Variants in SLIT1 observed in about 807,000 individuals in gnomAD.
The protein encoded by SLIT1 is slit guidance ligand 1, also known as slit homolog 1 protein.
A neutral mutation model predicts 186.1 loss-of-function variants in SLIT1; 66 were observed. The ratio of observed to expected loss-of-function variants is 0.35; its 90% CI spans 0.29 to 0.44. The LOEUF (loss-of-function observed/expected upper bound fraction) is 0.44, where lower values mean the gene tolerates loss of function less well. Ranked by LOEUF, SLIT1 falls within the 20% of genes least tolerant of loss-of-function variation. SLIT1 has a pLI of 1.00. For synonymous variants in SLIT1, 761 were observed against 833.8 expected, an observed-to-expected ratio of 0.91 and a Z score of 1.50; for missense variants, 1,638 against 2,037.4, an observed-to-expected ratio of 0.80 and a Z score of 3.77.
Position 97,004,430 on chromosome 10 carries a change from G to T in SLIT1, c.3711-208C>A, listed in dbSNP as rs540237818. Reference sequence around the variant, plus strand: ...GGGAAGGCTGAGAGGTTTGAGGCAGGGGTCTCAAACTTACAAGTCTCCCCC... The same window carrying T: ...GGGAAGGCTGAGAGGTTTGAGGCAGTGGTCTCAAACTTACAAGTCTCCCCC... On this transcript the variant is annotated intron_variant, in intron 33 of 36. Transcript: ENST00000266058. The surrounding 1 kb of genome is among the most constrained non-coding windows in gnomAD (Gnocchi z 5.1). 6.6e-6 allele frequency among the ~76,000 whole-genome samples: 1 copy of T among 152,158 alleles called. No homozygotes were observed. Among genetic ancestry groups the T allele is most frequent in the Non-Finnish European group, 1.5e-5 (1 of 68,030 alleles).
intron 4 of SLIT1, among the ~76,000 whole-genome samples, chr10:97,156,144 C>A (rs1849948011): frequency 6.6e-6 from 1 of 152,186 alleles, no homozygotes; most frequent in Admixed American, 6.5e-5. Flanking sequence ...CAACTCAAGC[C>A]CAAGGGTGGT....
intron 4 of SLIT1, among the ~76,000 whole-genome samples, chr10:97,100,257 C>T (rs1849337165): frequency 6.6e-6 from 1 of 152,142 alleles, no homozygotes; most frequent in South Asian, 2.1e-4. Context: ...GACCATCAGC[C>T]CCGCAGGGAA....
chr10:97,182,288 T>C (rs1031567728), intron 1 of SLIT1, among the ~76,000 whole-genome samples: 21 of 152,136 alleles, frequency 1.4e-4, no homozygotes, highest in African/African-American at 4.1e-4. Context: ...TATATGATCA[T>C]AAAGTTGCTG....
At chr10:97,048,042 C>A in intron 14 of SLIT1, 46 bp from the exon 15 acceptor site, 12 of 1,609,314 alleles carry the variant, frequency 7.5e-6, no homozygotes, top group Non-Finnish European at 1.0e-5. Flanking sequence ...TCAGCCAGGA[C>A]CTGCAGTAAC....
chr10:97,011,189 G>C lies in SLIT1; in HGVS notation c.3204-59C>G, dbSNP rs1265188308. ...CAGCCACACAGAGTCTGGGAGGCCA[G>C]GGGAGCGCACCAGGGATCCCCCACA... On this transcript the variant is annotated intron_variant, in intron 30 of 36. Coordinates refer to ENST00000266058, the MANE Select transcript of SLIT1 (RefSeq NM_003061.3). The C allele has an allele frequency of 3.9e-6, 5 of 1,267,704 alleles. 1 individual carries two copies. Among genetic ancestry groups the C allele is most frequent in the East Asian group, 2.3e-5 (1 of 43,366 alleles). 78.5% of individuals were successfully genotyped at this position (1,267,704 alleles called of 1,614,324 possible). A position where few individuals can be genotyped will look rare whatever the true frequency, so the allele number is the denominator to read the frequency against.
intron 2 of SLIT1, 130 bp from the exon 3 acceptor site, chr10:97,163,581 T>C (rs1377456250): frequency 1.3e-6 from 1 of 766,082 alleles, no homozygotes. Context: ...ACAGGAGCCA[T>C]GCCCAAGCCT....
intron 28 of SLIT1, among the ~76,000 whole-genome samples, chr10:97,017,849 T>C (rs974102554): frequency 1.4e-4 from 16 of 115,892 alleles, no homozygotes; most frequent in Non-Finnish European, 2.9e-4. Context: ...TTTTCTTTTC[T>C]TTTTTTTTTT....
intron 4 of SLIT1, among the ~76,000 whole-genome samples, chr10:97,128,225 C>A (rs532545499): frequency 2.2e-4 from 34 of 152,276 alleles, no homozygotes; most frequent in Middle Eastern, 6.8e-3. Context: ...AGGGCCCTGT[C>A]CCTCCCCTTC....
chr10:97,112,344 C>T (rs1849472935), intron 4 of SLIT1, among the ~76,000 whole-genome samples: 1 of 152,252 alleles, frequency 6.6e-6, no homozygotes, highest in Admixed American at 6.5e-5. Flanking sequence ...CTGTTTTCTT[C>T]TCCATCCTCC....
rs372578449 is a variant in SLIT1 at position 97,019,947 on chromosome 10, T to C, written c.2747-840A>G. ...ACGGACTTCTGGGGTAGAGATGGGG[T>C]TCTGTTTCCTTTCTTTTTTCCTTTA... On this transcript the variant is annotated intron_variant, in intron 26 of 36. Transcript: ENST00000266058. Among the ~76,000 whole-genome samples the C allele has an allele frequency of 8.6e-5, 13 of 151,580 alleles. No homozygotes were observed. The East Asian group carries it at 1.2e-3, about 14-fold the overall frequency.
chr10:97,104,776 A>G (rs959362384), intron 4 of SLIT1, among the ~76,000 whole-genome samples: 2 of 152,080 alleles, frequency 1.3e-5, no homozygotes, highest in Non-Finnish European at 2.9e-5. Context: ...ACCCAACGTC[A>G]CAACCCATCT....
intron 4 of SLIT1, among the ~76,000 whole-genome samples, chr10:97,135,709 C>T (rs941876839): frequency 2.3e-4 from 35 of 152,216 alleles, no homozygotes; most frequent in African/African-American, 8.2e-4. Flanking sequence ...CCCAGCGGGG[C>T]TGCTCAGTCA....
intron 30 of SLIT1, among the ~76,000 whole-genome samples, chr10:97,012,642 AAGCCCCACCCC>A (rs1848421841): frequency 6.6e-6 from 1 of 152,202 alleles, no homozygotes; most frequent in Non-Finnish European, 1.5e-5. Context: ...TCTGCCTGCC[AAGCCCCACCCC>A]TGGGAGCCCC....
intron 22 of SLIT1, among the ~76,000 whole-genome samples, chr10:97,036,143 G>A (rs1848636577): frequency 6.6e-6 from 1 of 152,160 alleles, no homozygotes; most frequent in Non-Finnish European, 1.5e-5. Flanking sequence ...ATGCAACGAT[G>A]TGCCGTGCCT....
rs1850082818 is a variant in SLIT1, at chr10:97,164,872, G to A, written c.216C>T (p.Asn72=). Residue 72 remains asparagine, a synonymous_variant, in exon 2 of 37, where the codon AAC becomes AAT. Transcript: ENST00000266058. ...NTERLELNGN[N]ITRIHKNDFA... ...AGTCATTCTTATGGATCCGAGTGAT[G>A]TTGTTGCCATTGAGTTCCCTGGAGG... The A allele has an allele frequency of 6.2e-7, 1 of 1,613,468 alleles. No individual in the cohort carries two copies. Among genetic ancestry groups the A allele is most frequent in the African/African-American group, 1.3e-5 (1 of 75,034 alleles).
chr10:97,040,540 T>G (rs574051087), intron 20 of SLIT1, among the ~76,000 whole-genome samples: 1 of 152,224 alleles, frequency 6.6e-6, no homozygotes, highest in Non-Finnish European at 1.5e-5. Context: ...TTTCTCCTCT[T>G]TTTTTCACTG....
intron 4 of SLIT1, among the ~76,000 whole-genome samples, chr10:97,139,329 A>AAG (rs1307668403): frequency 1.3e-5 from 2 of 152,230 alleles, no homozygotes; most frequent in African/African-American, 4.8e-5. Context: ...GTAGCCTTGG[A>AAG]GGAGAAAGAG....
chr10:97,087,429 T>G (rs974964997), intron 4 of SLIT1, among the ~76,000 whole-genome samples: 2 of 152,228 alleles, frequency 1.3e-5, no homozygotes, highest in African/African-American at 4.8e-5. Flanking sequence ...CATCCCTGCA[T>G]TTGTCACATT....
intron 4 of SLIT1, among the ~76,000 whole-genome samples, chr10:97,118,183 T>C (rs1849525779): frequency 6.6e-6 from 1 of 152,188 alleles, no homozygotes; most frequent in Admixed American, 6.5e-5. Context: ...TTACAAGGAC[T>C]ATATGGTATA....
Sources: allele counts gnomAD v4.1 joint callset (sites outside exome capture counted in the v4.1 genomes callset), GRCh38; gene constraint gnomAD v4.1.1; non-coding constraint Gnocchi (gnomAD v3.1); transcripts MANE v1.5; gene names NCBI Gene and HGNC (gene_info 2026-07-23, HGNC 2026-07-21).